Variants in MRPL22 observed in about 807,000 individuals in gnomAD.
MRPL22 encodes the protein large ribosomal subunit protein uL22m.
In MRPL22, 27 loss-of-function variants were observed where a neutral mutation model predicts 32.4. The observed-to-expected ratio is 0.83, with a 90% CI of 0.61 to 1.15. The LOEUF is 1.15. Among genes scored for constraint, MRPL22 ranks in the 50% most tolerant of loss-of-function variants. The pLI, the probability that MRPL22 is intolerant of heterozygous loss-of-function variation, is 0.00. For synonymous variants in MRPL22, 86 were observed against 87.3 expected (o/e 0.99, Z 0.08); for missense variants, 239 against 260.2 (o/e 0.92, Z 0.56).
rs544443382 is a variant in MRPL22, at chr5:154,957,940, G to C, written c.339+728G>C. ...TTTTTTTTTTTTTTTTTTTTGAGAC[G>C]GAGTCTAGCTCTGTTGCACAGGCTG... On this transcript the variant is annotated intron_variant, in intron 5 of 6. Coordinates refer to ENST00000523037, the MANE Select transcript of MRPL22 (RefSeq NM_014180.4). Among the ~76,000 whole-genome samples, 8 of 130,566 alleles carry C rather than the reference G, an allele frequency of 6.1e-5. No individual in the cohort carries two copies. The East Asian group carries it at 1.7e-3, about 28-fold the overall frequency. 85.7% of individuals were successfully genotyped at this position (130,566 alleles called of 152,430 possible).
At chr5:154,942,640 A>G (rs765772371) in intron 2 of MRPL22, among the ~76,000 whole-genome samples, 1 of 152,226 alleles carries the variant, frequency 6.6e-6, no homozygotes, top group Non-Finnish European at 1.5e-5. Flanking sequence ...ACCTCTGTTC[A>G]GATGTTTTCC....
chr5:154,957,778 G>T (rs768523799), intron 5 of MRPL22, among the ~76,000 whole-genome samples: 32 of 151,904 alleles, frequency 2.1e-4, no homozygotes, highest in Non-Finnish European at 4.1e-4. Context: ...TAAACTATGT[G>T]GAATTGGATT....
Position 154,966,913 on chromosome 5 carries a change from T to C in MRPL22, c.*16T>C, listed in dbSNP as rs555245943. 4 of 1,596,272 alleles carry C rather than the reference T, an allele frequency of 2.5e-6. No homozygotes were observed. The African/African-American group carries it at 5.4e-5, about 21-fold the overall frequency. Reference sequence around the variant, plus strand: ...CACTCTATGATGAGGAGATTCAGACTCCACAGTGTATATATTTTGCCATTT... The same window carrying C: ...CACTCTATGATGAGGAGATTCAGACCCCACAGTGTATATATTTTGCCATTT... On this transcript the variant is annotated 3_prime_UTR_variant, in exon 7 of 7. Coordinates refer to ENST00000523037, the MANE Select transcript of MRPL22 (RefSeq NM_014180.4).
intron 5 of MRPL22, among the ~76,000 whole-genome samples, chr5:154,958,157 G>A (rs1363447512): frequency 2.0e-5 from 3 of 152,152 alleles, no homozygotes; most frequent in East Asian, 1.9e-4. Flanking sequence ...GACCTCAGGC[G>A]ATCCGCCCAC....
chr5:154,944,886 C>T (rs1764467293), intron 2 of MRPL22, among the ~76,000 whole-genome samples: 1 of 152,138 alleles, frequency 6.6e-6, no homozygotes, highest in South Asian at 2.1e-4. Flanking sequence ...AGTGCAACAG[C>T]TCCAAGGAAC....
At position 154,968,905 on chromosome 5, in the gene MRPL22, A is replaced by T. The variant is rs1177716332; in HGVS notation, c.*2008A>T. 1 of 152,240 alleles carries T rather than the reference A, an allele frequency of 6.6e-6. No individual in the cohort carries two copies. The highest frequency in any genetic ancestry group is 2.4e-5 in the African/African-American group (1 of 41,464). The allele number at this position is 152,240 out of a possible 1,614,324, so 9.4% of individuals were successfully genotyped here. On this transcript the variant is annotated 3_prime_UTR_variant, in exon 7 of 7. Coordinates refer to ENST00000523037, the MANE Select transcript of MRPL22 (RefSeq NM_014180.4). Reference sequence around the variant, plus strand: ...TGCTTCCAGTACGTTACAAAAAGTAATAATAGCTAACCTGTGTCACTGACT... The same window carrying T: ...TGCTTCCAGTACGTTACAAAAAGTATTAATAGCTAACCTGTGTCACTGACT...
chr5:154,952,937 T>A (rs1582690692), intron 3 of MRPL22, among the ~76,000 whole-genome samples: 1 of 152,206 alleles, frequency 6.6e-6, no homozygotes, highest in Admixed American at 6.5e-5. Context: ...TAAAAATGAA[T>A]GTTACCAATG....
rs1764788948 is a variant in MRPL22 at position 154,967,818 on chromosome 5, CT to C, written c.*922del. 2 of 152,190 alleles carry C rather than the reference CT, an allele frequency of 1.3e-5. No homozygotes were observed. The highest frequency in any genetic ancestry group is 2.9e-5 in the Non-Finnish European group (2 of 68,036). 9.4% of individuals were successfully genotyped at this position (152,190 alleles called of 1,614,324 possible). A position where few individuals can be genotyped will look rare whatever the true frequency, so the allele number is the denominator to read the frequency against. ...GATGCTTGCTTGTTAATGCAGACTT[CT>C]GGGCCCCACCCCAATGATTCAATTC... On this transcript the variant is annotated 3_prime_UTR_variant, in exon 7 of 7. Transcript: ENST00000523037. This position sits in a 1 kb window ranked among gnomAD's most constrained non-coding sequence, Gnocchi z 4.7.
chr5:154,961,905 C>T (rs1460368793), intron 6 of MRPL22, among the ~76,000 whole-genome samples: 1 of 152,116 alleles, frequency 6.6e-6, no homozygotes, highest in Non-Finnish European at 1.5e-5. Context: ...CTATGCTGGT[C>T]TTGAACTCCT....
rs868505009 is a variant in MRPL22 at position 154,956,428 on chromosome 5, G to A, written c.253G>A (p.Ala85Thr). The change falls in exon 4 of 7, where the codon GCA becomes ACA. Residue 85 changes from alanine to threonine, a missense_variant. Physicochemically the swap from Ala to Thr is moderately conservative, Grantham distance 58. Coordinates refer to ENST00000523037, the MANE Select transcript of MRPL22 (RefSeq NM_014180.4). ...TAGCAAAGACAAGATGTGGTATTTG[G>A]CAAAATTGGTAAGCTGCAATGACTA... ...KYSKDKMWYL[A>T]KLIRGMSIDQ... The A allele has an allele frequency of 5.6e-6, 9 of 1,604,294 alleles. No individual in the cohort carries two copies. The highest frequency in any genetic ancestry group is 7.7e-6 in the Non-Finnish European group (9 of 1,172,192).
chr5:154,949,329 G>GAA (rs1279814355), intron 2 of MRPL22, among the ~76,000 whole-genome samples: 1 of 151,446 alleles, frequency 6.6e-6, no homozygotes. Flanking sequence ...CAGTGACACT[G>GAA]AAAAAAAAGG....
At chr5:154,943,313 G>A (rs1764444379) in intron 2 of MRPL22, among the ~76,000 whole-genome samples, 1 of 151,924 alleles carries the variant, frequency 6.6e-6, no homozygotes, top group Non-Finnish European at 1.5e-5. Context: ...GTCTTGCTGT[G>A]TTGCTCAGGC....
chr5:154,951,218 C>G (rs1288475419), intron 3 of MRPL22, among the ~76,000 whole-genome samples: 1 of 152,162 alleles, frequency 6.6e-6, no homozygotes, highest in Admixed American at 6.5e-5. Flanking sequence ...CTGATGAGCT[C>G]TTAATGATGG....
rs113416445 is a variant in MRPL22 at position 154,965,092 on chromosome 5, C to G, written c.410-1594C>G. Among the ~76,000 whole-genome samples, 132 of 152,290 alleles carry G rather than the reference C, an allele frequency of 8.7e-4. 2 individuals are homozygous for G. Among genetic ancestry groups the G allele is most frequent in the African/African-American group, 3.1e-3 (128 of 41,546 alleles). On this transcript the variant is annotated intron_variant, in intron 6 of 6. Transcript: ENST00000523037. ...GGTCTTTCCCTATCTCACTTAGACC[C>G]TAGGCAGTTTTCACTTTCATTCTTG...
intron 3 of MRPL22, chr5:154,955,621 A>G (rs1157937814): frequency 6.6e-6 from 1 of 152,232 alleles, no homozygotes; most frequent in Non-Finnish European, 1.5e-5. Flanking sequence ...CCCTCAACTC[A>G]TAGAGTTAGA....
In MRPL22 at chr5:154,968,034, C is replaced by G. The variant is rs1486667192; in HGVS notation, c.*1137C>G. 1 of 152,206 alleles carries G rather than the reference C, an allele frequency of 6.6e-6. No homozygotes were observed. The highest frequency in any genetic ancestry group is 1.5e-5 in the Non-Finnish European group (1 of 68,038). 9.4% of individuals were successfully genotyped at this position (152,206 alleles called of 1,614,324 possible). On this transcript the variant is annotated 3_prime_UTR_variant, in exon 7 of 7. Transcript: ENST00000523037. ...ACTGGGAACTTGTTATTTGCAAGCTCTGTGCTAGTATTTTACATAATTCTT... is the reference window on the plus strand; with the variant it reads ...ACTGGGAACTTGTTATTTGCAAGCTGTGTGCTAGTATTTTACATAATTCTT...
intron 4 of MRPL22, chr5:154,956,865 G>A (rs1764637005): frequency 4.9e-6 from 2 of 407,402 alleles, no homozygotes; most frequent in South Asian, 3.9e-5. Flanking sequence ...TGCCTAGTGT[G>A]GTTGTTACCA....
At chr5:154,947,601 A>G (rs1378308812) in intron 2 of MRPL22, among the ~76,000 whole-genome samples, 2 of 152,352 alleles carry the variant, frequency 1.3e-5, no homozygotes, top group South Asian at 2.1e-4. Context: ...GCCAATATAC[A>G]ACCACTTTGA....
At chr5:154,942,061 A>G (rs1764424804) in intron 2 of MRPL22, among the ~76,000 whole-genome samples, 1 of 152,196 alleles carries the variant, frequency 6.6e-6, no homozygotes, top group Non-Finnish European at 1.5e-5. Flanking sequence ...CTTTTATGAT[A>G]TGAGCGTTAT....
Sources: allele counts gnomAD v4.1 joint callset (sites outside exome capture counted in the v4.1 genomes callset), GRCh38; gene constraint gnomAD v4.1.1; non-coding constraint Gnocchi (gnomAD v3.1); transcripts MANE v1.5; gene names NCBI Gene and HGNC (gene_info 2026-07-23, HGNC 2026-07-21).